Variants in DIP2C observed in about 807,000 individuals in gnomAD.
DIP2C encodes disco-interacting protein 2 homolog C.
In DIP2C, 33 loss-of-function variants were observed where a neutral mutation model predicts 192.4. The ratio of observed to expected loss-of-function variants is 0.17; its 90% CI spans 0.13 to 0.23. The LOEUF (loss-of-function observed/expected upper bound fraction) is 0.23, where lower values mean the gene tolerates loss of function less well. Ranked by LOEUF, DIP2C falls within the 10% of genes least tolerant of loss-of-function variation. The pLI is 1.00. For missense variants in DIP2C, 1,537 were observed against 2,110.1 expected, an observed-to-expected ratio of 0.73 and a Z score of 5.32; for synonymous variants, 979 against 864.1, an observed-to-expected ratio of 1.13 and a Z score of -2.33.
intron 2 of DIP2C, among the ~76,000 whole-genome samples, chr10:481,781 G>C (rs575873934): frequency 6.6e-6 from 1 of 152,250 alleles, no homozygotes; most frequent in East Asian, 1.9e-4. Flanking sequence ...ATCCATCCTC[G>C]TACCACGGTA....
At chr10:413,846 T>C (rs1217387768) in intron 8 of DIP2C, 67 bp downstream of exon 8, 1 of 1,547,712 alleles carries the variant, frequency 6.5e-7, no homozygotes, top group African/African-American at 1.4e-5. Flanking sequence ...GGACACTGAG[T>C]TTCCTGCGTT....
intron 1 of DIP2C, among the ~76,000 whole-genome samples, chr10:546,272 ACT>A (rs1491153604): frequency 1.5e-5 from 1 of 64,710 alleles, no homozygotes. Context: ...ACAGAGCAAG[ACT>A]CTTAAAAAAA....
chr10:350,287 A>G (rs1426118756), intron 24 of DIP2C, among the ~76,000 whole-genome samples: 2 of 151,816 alleles, frequency 1.3e-5, no homozygotes, highest in Admixed American at 1.3e-4. Context: ...GGGTCTCCCT[A>G]CATTGCCCAA....
At chr10:478,921 G>T (rs931275895) in intron 2 of DIP2C, among the ~76,000 whole-genome samples, 1 of 152,138 alleles carries the variant, frequency 6.6e-6, no homozygotes, top group African/African-American at 2.4e-5. Context: ...GAGGGAGGAG[G>T]AGAGGAGGGC....
At chr10:660,493 T>C (rs1856688737) in intron 1 of DIP2C, among the ~76,000 whole-genome samples, 1 of 152,250 alleles carries the variant, frequency 6.6e-6, no homozygotes, top group South Asian at 2.1e-4. Context: ...CCCTTGTCCC[T>C]GTTTCAAGCT....
chr10:298,522 C>G (rs139736139), intron 32 of DIP2C, among the ~76,000 whole-genome samples: 24 of 152,314 alleles, frequency 1.6e-4, no homozygotes, highest in Middle Eastern at 3.4e-3. Flanking sequence ...TGTGTGCTCT[C>G]TTCTTGGCTT....
intron 1 of DIP2C, among the ~76,000 whole-genome samples, chr10:654,994 A>G (rs1471941523): frequency 6.6e-6 from 1 of 152,194 alleles, no homozygotes; most frequent in Non-Finnish European, 1.5e-5. Context: ...GGCAGACAGT[A>G]AGCGAAGGGT....
intron 29 of DIP2C, among the ~76,000 whole-genome samples, chr10:330,116 A>G (rs1183705322): frequency 6.6e-6 from 1 of 152,232 alleles, no homozygotes; most frequent in African/African-American, 2.4e-5. Flanking sequence ...TAAAATATTT[A>G]CCAAACAGCA....
At chr10:313,820 A>C (rs564008278) in intron 31 of DIP2C, among the ~76,000 whole-genome samples, 1 of 152,262 alleles carries the variant, frequency 6.6e-6, no homozygotes, top group African/African-American at 2.4e-5. Context: ...TCTCAGGTGA[A>C]GATATACAGA....
intron 1 of DIP2C, among the ~76,000 whole-genome samples, chr10:582,426 AAAG>A (rs1163409303): frequency 6.6e-6 from 1 of 152,086 alleles, no homozygotes. Context: ...GCAACAAAGA[AAAG>A]AAAGTTAGCC....
intron 3 of DIP2C, among the ~76,000 whole-genome samples, chr10:445,811 A>G (rs1968140417): frequency 6.6e-6 from 1 of 151,966 alleles, no homozygotes; most frequent in Admixed American, 6.5e-5. Flanking sequence ...CTCACGGTCC[A>G]CTGGGCATCT....
chr10:533,256 CGT>C (rs1847518625), intron 1 of DIP2C, among the ~76,000 whole-genome samples: 2 of 152,042 alleles, frequency 1.3e-5, no homozygotes, highest in Admixed American at 1.3e-4. Flanking sequence ...TTGAAATTCC[CGT>C]GTTAGAATCA....
chr10:390,868 G>T lies in DIP2C; in HGVS notation c.1261-5C>A. On this transcript the variant is annotated splice_polypyrimidine_tract_variant and splice_region_variant and intron_variant, in intron 10 of 36. Transcript: ENST00000280886. Reference sequence around the variant, plus strand: ...TATCTGCTGGCTCCCTGCGTCCTGAGAGGGCAACAGAGAGGAGTTGAGAAT... The same window carrying T: ...TATCTGCTGGCTCCCTGCGTCCTGATAGGGCAACAGAGAGGAGTTGAGAAT... 3.7e-6 allele frequency: 6 copies of T among 1,613,736 alleles called. No homozygotes were observed. Among genetic ancestry groups the T allele is most frequent in the Non-Finnish European group, 5.1e-6 (6 of 1,179,866 alleles).
chr10:574,294 A>C (rs552530076), intron 1 of DIP2C, among the ~76,000 whole-genome samples: 1 of 152,188 alleles, frequency 6.6e-6, no homozygotes, highest in Non-Finnish European at 1.5e-5. Context: ...AATAAAACCC[A>C]CTGTTATCTT....
At chr10:673,812 G>A (rs555927308) in intron 1 of DIP2C, among the ~76,000 whole-genome samples, 5 of 152,324 alleles carry the variant, frequency 3.3e-5, no homozygotes, top group Admixed American at 6.5e-5. Flanking sequence ...ATGCAAGGCC[G>A]TCTCCTGCCC....
Position 651,909 on chromosome 10 carries a change from G to C in DIP2C, c.85+37585C>G, listed in dbSNP as rs926664650. 2 of 174,682 alleles carry C rather than the reference G, an allele frequency of 1.1e-5. No individual in the cohort carries two copies. The highest frequency in any genetic ancestry group is 4.8e-5 in the African/African-American group (2 of 41,596). The allele number at this position is 174,682 out of a possible 1,614,324, so 10.8% of individuals were successfully genotyped here. The stretch of plus-strand genomic sequence containing the variant: ...GCTGTACTCAGGGAGTCGGTTCCAG[G>C]ACCCCATGGACACCAAATCCAGGCA... On this transcript the variant is annotated intron_variant, in intron 1 of 36. Coordinates refer to ENST00000280886, the MANE Select transcript of DIP2C (RefSeq NM_014974.3). The surrounding 1 kb of genome is among the most constrained non-coding windows in gnomAD (Gnocchi z 4.1).
At position 510,916 on chromosome 10, in the gene DIP2C, C is replaced by T. The variant is rs188043968; in HGVS notation, c.86-24386G>A. ...ACAGCCAGGACATCACTTAGTCATA[C>T]GGGGGCACAAACATGTCACTTGCCA... On this transcript the variant is annotated intron_variant, in intron 1 of 36. Transcript: ENST00000280886. Among the ~76,000 whole-genome samples, 256 of 152,278 alleles carry T rather than the reference C, an allele frequency of 1.7e-3. 1 individual carries two copies. The highest frequency in any genetic ancestry group is 3.9e-3 in the African/African-American group (162 of 41,564).
At chr10:373,008 C>T (rs1175007812) in intron 17 of DIP2C, among the ~76,000 whole-genome samples, 2 of 152,244 alleles carry the variant, frequency 1.3e-5, no homozygotes, top group Admixed American at 6.5e-5. Context: ...TCGCTTAAAA[C>T]TCACCATAAG....
intron 3 of DIP2C, among the ~76,000 whole-genome samples, chr10:441,566 A>T (rs934985907): frequency 6.9e-6 from 1 of 144,758 alleles, no homozygotes; most frequent in Non-Finnish European, 1.6e-5. Context: ...TTATCGTGAT[A>T]GTGAGTAAGT....
Sources: gnomAD v4.1 joint callset for allele counts (sites outside exome capture counted in the v4.1 genomes callset) on GRCh38, gnomAD v4.1.1 for gene constraint, Gnocchi (gnomAD v3.1) non-coding constraint, MANE v1.5 for transcripts, NCBI Gene and HGNC (gene_info 2026-07-23, HGNC 2026-07-21) for gene names.